Variants in CDH12 observed in about 807,000 individuals in gnomAD.
CDH12 encodes cadherin-12.
Under a neutral mutation model 74.1 loss-of-function variants are expected in CDH12, and 41 were observed. The ratio of observed to expected loss-of-function variants is 0.55; its 90% CI spans 0.43 to 0.72. CDH12 has a LOEUF of 0.72. Among genes scored for constraint, CDH12 ranks in the 30% least tolerant of loss-of-function variants. The pLI, the probability that CDH12 is intolerant of heterozygous loss-of-function variation, is 0.00. For synonymous variants in CDH12, 399 were observed against 355.0 expected (o/e 1.12, Z -1.39); for missense variants, 945 against 977.2 (o/e 0.97, Z 0.44).
chr5:21,910,287 C>T (rs1372507324), intron 6 of CDH12, among the ~76,000 whole-genome samples: 1 of 152,104 alleles, frequency 6.6e-6, no homozygotes, highest in Non-Finnish European at 1.5e-5. Flanking sequence ...AAGTCAGCAA[C>T]AGCCTGGCAT....
chr5:22,295,779 T>C (rs746996251), intron 3 of CDH12, among the ~76,000 whole-genome samples: 1 of 152,082 alleles, frequency 6.6e-6, no homozygotes, highest in Admixed American at 6.6e-5. Flanking sequence ...ATAGGCTATA[T>C]GAAATTTACT....
chr5:21,881,213 C>A (rs1752338992), intron 6 of CDH12, among the ~76,000 whole-genome samples: 1 of 152,104 alleles, frequency 6.6e-6, no homozygotes, highest in Non-Finnish European at 1.5e-5. Flanking sequence ...TCAGAAAATA[C>A]TTCTCATTTG....
intron 1 of CDH12, among the ~76,000 whole-genome samples, chr5:22,572,617 G>T (rs1167138610): frequency 6.6e-6 from 1 of 151,902 alleles, no homozygotes; most frequent in East Asian, 1.9e-4. Context: ...ATTTATAGAA[G>T]TCTCAGGCTA....
At chr5:22,459,008 A>G (rs1420167963) in intron 2 of CDH12, among the ~76,000 whole-genome samples, 1 of 152,128 alleles carries the variant, frequency 6.6e-6, no homozygotes, top group East Asian at 1.9e-4. Flanking sequence ...CTGTAACGAG[A>G]TCATTAACTT....
intron 5 of CDH12, among the ~76,000 whole-genome samples, chr5:22,041,788 A>G (rs1159917365): frequency 1.3e-5 from 2 of 152,148 alleles, no homozygotes; most frequent in East Asian, 3.9e-4. Flanking sequence ...CTGCAATTCA[A>G]CTGCATTGGA....
At chr5:21,928,295 A>C (rs1754683772) in intron 6 of CDH12, among the ~76,000 whole-genome samples, 1 of 152,156 alleles carries the variant, frequency 6.6e-6, no homozygotes, top group Non-Finnish European at 1.5e-5. Flanking sequence ...ATGATCCAGA[A>C]TAGACAATAA....
chr5:22,583,740 A>C (rs947675254), intron 1 of CDH12, among the ~76,000 whole-genome samples: 4 of 152,192 alleles, frequency 2.6e-5, no homozygotes, highest in Non-Finnish European at 5.9e-5. Context: ...ATTTTTAAGA[A>C]AGAACACTCA....
intron 3 of CDH12, among the ~76,000 whole-genome samples, chr5:22,377,451 C>T (rs940920795): frequency 6.6e-6 from 1 of 152,112 alleles, no homozygotes; most frequent in African/African-American, 2.4e-5. Flanking sequence ...GGATGGCTTC[C>T]AGCACAGTGA....
intron 1 of CDH12, among the ~76,000 whole-genome samples, chr5:22,848,681 C>A (rs1365581035): frequency 6.6e-6 from 1 of 152,064 alleles, no homozygotes; most frequent in African/African-American, 2.4e-5. Context: ...TTGAAAATGT[C>A]TCTACTTTTC....
chr5:22,527,465 G>C (rs1174082576), intron 1 of CDH12, among the ~76,000 whole-genome samples: 3 of 152,124 alleles, frequency 2.0e-5, no homozygotes, highest in Non-Finnish European at 4.4e-5. Context: ...ACACACTGAT[G>C]ACCTAACCAG....
At chr5:22,786,589 G>T (rs1191970919) in intron 1 of CDH12, among the ~76,000 whole-genome samples, 1 of 152,138 alleles carries the variant, frequency 6.6e-6, no homozygotes, top group Admixed American at 6.5e-5. Context: ...CATGGCACAT[G>T]TGTTATTGTA....
At chr5:22,478,831 G>T (rs1746276924) in intron 2 of CDH12, among the ~76,000 whole-genome samples, 1 of 152,086 alleles carries the variant, frequency 6.6e-6, no homozygotes, top group Admixed American at 6.6e-5. Flanking sequence ...TCCTAAAAAT[G>T]CTAACAGACT....
chr5:22,497,711 C>T (rs902801458), intron 2 of CDH12, among the ~76,000 whole-genome samples: 14 of 124,670 alleles, frequency 1.1e-4, no homozygotes, highest in South Asian at 8.0e-4. Context: ...GGTGTGATCT[C>T]GGCTCACTGC....
intron 4 of CDH12, among the ~76,000 whole-genome samples, chr5:22,175,172 GTTCT>G (rs1488578917): frequency 6.6e-6 from 1 of 151,906 alleles, no homozygotes; most frequent in African/African-American, 2.4e-5. Context: ...AATAAATTTA[GTTCT>G]TTCTTTTAGG....
chr5:22,824,920 T>C (rs1195766793), intron 1 of CDH12, among the ~76,000 whole-genome samples: 1 of 151,624 alleles, frequency 6.6e-6, no homozygotes, highest in Non-Finnish European at 1.5e-5. Context: ...CTATAGAAAG[T>C]TAAAGGATAC....
At chr5:21,858,956 TACA>T (rs1431445388) in intron 6 of CDH12, among the ~76,000 whole-genome samples, 3 of 151,972 alleles carry the variant, frequency 2.0e-5, no homozygotes, top group Non-Finnish European at 2.9e-5. Flanking sequence ...TGGATTCCCT[TACA>T]TATGTATCCC....
chr5:22,477,642 G>A (rs762107832), intron 2 of CDH12, among the ~76,000 whole-genome samples: 6 of 152,000 alleles, frequency 3.9e-5, no homozygotes, highest in Non-Finnish European at 7.4e-5. Context: ...CTATCTTTAG[G>A]TCTTTGAGGA....
At chr5:22,152,807 C>G (rs535183452) in intron 4 of CDH12, among the ~76,000 whole-genome samples, 2 of 152,298 alleles carry the variant, frequency 1.3e-5, no homozygotes, top group South Asian at 4.1e-4. Flanking sequence ...TTGGAAACCA[C>G]TGTTCTCCTC....
rs182181634 is a variant in CDH12 at position 22,370,799 on chromosome 5, C to T, written c.-333+34458G>A. 2.7e-3 allele frequency among the ~76,000 whole-genome samples: 405 copies of T among 152,066 alleles called. 4 individuals are homozygous for T. The highest frequency in any genetic ancestry group is 9.3e-3 in the African/African-American group (387 of 41,498). On this transcript the variant is annotated intron_variant, in intron 3 of 14. Transcript: ENST00000382254. ...GGTCATACGTATGGGAATAACTGGACCAGGAGCTAGATAACCTGACCTGTT... is the reference window on the plus strand; with the variant it reads ...GGTCATACGTATGGGAATAACTGGATCAGGAGCTAGATAACCTGACCTGTT...
Sources: gnomAD v4.1 joint callset for allele counts (sites outside exome capture counted in the v4.1 genomes callset) on GRCh38, gnomAD v4.1.1 for gene constraint, MANE v1.5 for transcripts, NCBI Gene and HGNC (gene_info 2026-07-23, HGNC 2026-07-21) for gene names.